The following STK24 variants were observed in gnomAD, a reference collection of about 807,000 sequenced individuals.
The protein encoded by STK24 is serine/threonine-protein kinase 24.
In STK24, 21 loss-of-function variants were observed where a neutral mutation model predicts 55.6. The observed-to-expected ratio is 0.38, with a 90% CI of 0.27 to 0.54. The LOEUF (loss-of-function observed/expected upper bound fraction) is 0.54. Ranked by LOEUF, STK24 falls within the 20% of genes least tolerant of loss-of-function variation. STK24 has a pLI of 0.79. For synonymous variants in STK24, 200 were observed against 215.2 expected, an observed-to-expected ratio of 0.93 and a Z score of 0.62; for missense variants, 383 against 538.4, an observed-to-expected ratio of 0.71 and a Z score of 2.86.
intron 1 of STK24, chr13:98,553,759 C>G (rs1897214292): frequency 6.6e-6 from 1 of 152,156 alleles, no homozygotes; most frequent in Non-Finnish European, 1.5e-5. Context: ...TGAAAAAAAG[C>G]AAGAAAAAGG....
intron 2 of STK24, among the ~76,000 whole-genome samples, chr13:98,515,716 T>C (rs1380201412): frequency 1.3e-5 from 2 of 152,254 alleles, no homozygotes; most frequent in African/African-American, 2.4e-5. Flanking sequence ...TAAATCCTTT[T>C]TTCTAGACTA....
chr13:98,510,922 C>A (rs763921928), intron 2 of STK24, among the ~76,000 whole-genome samples: 1 of 152,130 alleles, frequency 6.6e-6, no homozygotes, highest in South Asian at 2.1e-4. Flanking sequence ...TACTTAAACA[C>A]AGAAACAAAA....
rs748376174 is a variant in STK24, at chr13:98,451,716, T to C, written c.*1457A>G. 1.3e-5 allele frequency: 2 copies of C among 152,168 alleles called. No individual in the cohort carries two copies. The highest frequency in any genetic ancestry group is 2.9e-5 in the Non-Finnish European group (2 of 68,044). 9.4% of individuals were successfully genotyped at this position (152,168 alleles called of 1,614,324 possible). ...CTGGCACACCCACGGGAGATGTCAA[T>C]CATCAGCTTCAACAAACATAAAAGA... On this transcript the variant is annotated 3_prime_UTR_variant, in exon 11 of 11. Coordinates refer to ENST00000539966, the MANE Select transcript of STK24 (RefSeq NM_001032296.4).
At chr13:98,476,054 T>C (rs1448616026) in intron 3 of STK24, among the ~76,000 whole-genome samples, 2 of 151,908 alleles carry the variant, frequency 1.3e-5, no homozygotes, top group African/African-American at 4.8e-5. Context: ...AACTATTATA[T>C]TATCCCTAAG....
Position 98,446,922 on chromosome 13 carries a change from T to G in STK24, c.*6251A>C, listed in dbSNP as rs997373534. The G allele has an allele frequency of 8.0e-7, 1 of 1,254,972 alleles. No homozygotes were observed. The highest frequency in any genetic ancestry group is 1.5e-5 in the African/African-American group (1 of 67,892). 77.7% of individuals were successfully genotyped at this position (1,254,972 alleles called of 1,614,324 possible). On this transcript the variant is annotated 3_prime_UTR_variant, in exon 11 of 11. Coordinates refer to ENST00000539966, the MANE Select transcript of STK24 (RefSeq NM_001032296.4). ...CGAGTGAGATGGCCCCACCCTTCCCTGCCAACTAAGCGTTTAGACCTGGGG... is the reference window on the plus strand; with the variant it reads ...CGAGTGAGATGGCCCCACCCTTCCCGGCCAACTAAGCGTTTAGACCTGGGG...
chr13:98,561,977 C>CAAAAAAAAAAAAAAAAAA (rs10564690), intron 1 of STK24, among the ~76,000 whole-genome samples: 1 of 53,620 alleles, frequency 1.9e-5, no homozygotes, highest in Non-Finnish European at 3.6e-5. Context: ...GACTCCGTCT[C>CAAAAAAAAAAAAAAAAAA]AAAAAAAAAA....
At position 98,501,967 on chromosome 13, in the gene STK24, A is replaced by G. The variant is rs746270373; in HGVS notation, c.273+17276T>C. Reference sequence around the variant, plus strand: ...GCCGGAGGTTCTTGCAGAGTCCCCTATGCCATTGGAGGGTCCCCTCTTTAA... The same window carrying G: ...GCCGGAGGTTCTTGCAGAGTCCCCTGTGCCATTGGAGGGTCCCCTCTTTAA... On this transcript the variant is annotated intron_variant, in intron 2 of 10. Transcript: ENST00000539966. 3.3e-5 allele frequency among the ~76,000 whole-genome samples: 5 copies of G among 152,194 alleles called. 1 individual carries two copies. The highest frequency in any genetic ancestry group is 1.2e-4 in the African/African-American group (5 of 41,516).
At position 98,448,200 on chromosome 13, in the gene STK24, A is replaced by C; in HGVS notation, c.*4973T>G. 6.3e-7 allele frequency: 1 copy of C among 1,585,964 alleles called. No homozygotes were observed. Among genetic ancestry groups the C allele is most frequent in the Non-Finnish European group, 8.7e-7 (1 of 1,154,828 alleles). The stretch of plus-strand genomic sequence containing the variant: ...ACCAAAGTGTCAGGAGTCCGTCCAA[A>C]CAAAAGGTTGACTAACTGGCGTTCC... On this transcript the variant is annotated 3_prime_UTR_variant, in exon 11 of 11. Transcript: ENST00000539966.
At chr13:98,541,087 T>G (rs1719492577) in intron 1 of STK24, among the ~76,000 whole-genome samples, 1 of 152,218 alleles carries the variant, frequency 6.6e-6, no homozygotes, top group Non-Finnish European at 1.5e-5. Flanking sequence ...GAGGAAGGTC[T>G]TCAGGACTCA....
Position 98,475,298 on chromosome 13 carries a change from C to G in STK24, c.391G>C (p.Gly131Arg). 1 of 1,613,954 alleles carries G rather than the reference C, an allele frequency of 6.2e-7. No individual in the cohort carries two copies. Among genetic ancestry groups the G allele is most frequent in the Non-Finnish European group, 8.5e-7 (1 of 1,179,920 alleles). ...IATILREILK[G>R]LDYLHSEKKI... is the part of the protein sequence containing the mutation. ...TTCTCCGAATGGAGATAATCGAGTC[C>G]TTTCAGTATTTCTCTTAATATAGTA... The change falls in exon 4 of 11, where the codon GGA becomes CGA. Residue 131 changes from glycine to arginine, a missense_variant. Transcript: ENST00000539966.
chr13:98,478,689 T>C (rs943014443), intron 3 of STK24, among the ~76,000 whole-genome samples: 4 of 152,252 alleles, frequency 2.6e-5, no homozygotes, highest in African/African-American at 7.2e-5. Context: ...TTAAAACCCA[T>C]GTCGTGTACT....
chr13:98,504,857 G>A (rs187673380), intron 2 of STK24, among the ~76,000 whole-genome samples: 1 of 151,994 alleles, frequency 6.6e-6, no homozygotes, highest in African/African-American at 2.4e-5. Context: ...ATGGAGGCAG[G>A]TTCGGGCTGA....
At chr13:98,469,945 T>C (rs529771671) in intron 5 of STK24, among the ~76,000 whole-genome samples, 1 of 152,336 alleles carries the variant, frequency 6.6e-6, no homozygotes, top group East Asian at 1.9e-4. Flanking sequence ...CTACTACATT[T>C]TAAATTTGGA....
rs778819510 is a variant in STK24, at chr13:98,448,339, G to A, written c.*4834C>T. 1.3e-5 allele frequency: 20 copies of A among 1,550,888 alleles called. No homozygotes were observed. The highest frequency in any genetic ancestry group is 4.5e-5 in the South Asian group (4 of 89,790). ...TTGATGGCCGGACACACTCGTTTCC[G>A]CAGTGGCTGCTTTCCTGGAAGACGT... On this transcript the variant is annotated 3_prime_UTR_variant, in exon 11 of 11. Coordinates refer to ENST00000539966, the MANE Select transcript of STK24 (RefSeq NM_001032296.4).
chr13:98,548,613 G>A (rs1028955293), intron 1 of STK24, among the ~76,000 whole-genome samples: 1 of 152,146 alleles, frequency 6.6e-6, no homozygotes, highest in African/African-American at 2.4e-5. Context: ...TGTAATCCCA[G>A]CACTGTGGGA....
intron 6 of STK24, among the ~76,000 whole-genome samples, chr13:98,464,532 T>C (rs1317639946): frequency 6.7e-6 from 1 of 149,100 alleles, no homozygotes; most frequent in Non-Finnish European, 1.5e-5. Flanking sequence ...GTTTTGCTCT[T>C]GTTGCCCAGG....
chr13:98,456,198 G>A lies in STK24; in HGVS notation c.1259+970C>T, dbSNP rs533057897. ...TGTGGTTTTCTCCTGCTGTCCCCAC[G>A]TAGAGGGGCTCTTCACAGGACAGTA... On this transcript the variant is annotated intron_variant, in intron 10 of 10. Transcript: ENST00000539966. 1.9e-5 allele frequency: 4 copies of A among 207,950 alleles called. No homozygotes were observed. In the South Asian group the frequency reaches 2.6e-4, roughly 13 times the overall value. The allele number at this position is 207,950 out of a possible 1,614,324, so 12.9% of individuals were successfully genotyped here.
At position 98,533,555 on chromosome 13, in the gene STK24, T is replaced by C. The variant is rs145706427; in HGVS notation, c.43-14082A>G. The stretch of plus-strand genomic sequence containing the variant: ...ATCCCAGCTACTTGGAAGGCTGAGG[T>C]GGGAGAATCACTTGAGCCCAGGAGT... On this transcript the variant is annotated intron_variant, in intron 1 of 10. Coordinates refer to ENST00000539966, the MANE Select transcript of STK24 (RefSeq NM_001032296.4). Among the ~76,000 whole-genome samples the C allele has an allele frequency of 1.9e-3, 286 of 149,832 alleles. 6 individuals are homozygous for C. The highest frequency in any genetic ancestry group is 0.014 in the East Asian group (71 of 4,996).
At chr13:98,506,573 CT>C (rs1310664151) in intron 2 of STK24, among the ~76,000 whole-genome samples, 2 of 152,224 alleles carry the variant, frequency 1.3e-5, no homozygotes, top group Non-Finnish European at 2.9e-5. Flanking sequence ...GAAGCAGCTC[CT>C]CCGTTATCAA....
Sources: gnomAD v4.1 joint callset for allele counts (sites outside exome capture counted in the v4.1 genomes callset) on GRCh38, gnomAD v4.1.1 for gene constraint, MANE v1.5 for transcripts, NCBI Gene and HGNC (gene_info 2026-07-23, HGNC 2026-07-21) for gene names.